The following MYOM2 variants were observed in gnomAD, a reference collection of about 807,000 sequenced individuals.
The protein encoded by MYOM2 is myomesin-2.
In MYOM2, 254 loss-of-function variants were observed where a neutral mutation model predicts 187.6. The observed-to-expected ratio is 1.35, with a 90% CI of 1.22 to 1.50. The LOEUF (loss-of-function observed/expected upper bound fraction) is 1.50. MYOM2 is among the 40% of genes most tolerant of loss of function. MYOM2 has a pLI of 0.00. For missense variants in MYOM2, 2,796 were observed against 1,924.0 expected (o/e 1.45, Z -8.48); for synonymous variants, 981 against 753.8 (o/e 1.30, Z -4.94).
In MYOM2 at chr8:2,057,478, C is replaced by T. The variant is rs1195484066; in HGVS notation, c.394C>T (p.Gln132Ter). The T allele has an allele frequency of 6.2e-7, 1 of 1,613,898 alleles. No homozygotes were observed. Among genetic ancestry groups the T allele is most frequent in the African/African-American group, 1.3e-5 (1 of 74,926 alleles). ...ARDKLDKYAI[Q>*]QMMEDKLAWE... ...CGACAAGCTGGACAAATACGCCATT[C>T]AGCAGATGGTAGGAGGGTCTCAGGG... Residue 132 changes from glutamine (Q) to a stop codon, truncating the protein, a stop_gained, in exon 4 of 37, where the codon CAG becomes TAG. Transcript: ENST00000262113. LOFTEE classifies it high-confidence loss of function.
At chr8:2,071,341 T>A (rs111835912) in intron 8 of MYOM2, among the ~76,000 whole-genome samples, 1,694 of 152,212 alleles carry the variant, frequency 0.011, 34 homozygotes, top group African/African-American at 0.039. Context: ...CTGTAAACCA[T>A]ACAGTTTTTT....
rs201434032 is a variant in MYOM2, at chr8:2,069,375, C to T, written c.742+9C>T. On this transcript the variant is annotated intron_variant, in intron 7 of 36. Coordinates refer to ENST00000262113, the MANE Select transcript of MYOM2 (RefSeq NM_003970.4). The stretch of plus-strand genomic sequence containing the variant: ...GGCGGTGGTGGTGAGAAGTGAGTGC[C>T]GGGTGGGCTTTCACGGGGCACCTCC... The T allele has an allele frequency of 8.6e-5, 138 of 1,613,780 alleles. No homozygotes were observed. The highest frequency in any genetic ancestry group is 3.3e-4 in the South Asian group (30 of 91,082).
intron 31 of MYOM2, among the ~76,000 whole-genome samples, chr8:2,126,034 A>G (rs1797623470): frequency 6.6e-6 from 1 of 152,144 alleles, no homozygotes; most frequent in Non-Finnish European, 1.5e-5. Context: ...TCATGAAATT[A>G]TTTTGTGTTA....
chr8:2,139,669 C>G (rs62480018), intron 32 of MYOM2, among the ~76,000 whole-genome samples: 2,622 of 152,138 alleles, frequency 0.017, 54 homozygotes, highest in East Asian at 0.045. Flanking sequence ...AGCTGGTGCC[C>G]GAGAGAAACA....
intron 34 of MYOM2, 56 bp downstream of exon 34, chr8:2,141,233 G>GT (rs1358057092): frequency 1.1e-5 from 17 of 1,510,734 alleles, no homozygotes; most frequent in Non-Finnish European, 1.4e-5. Context: ...AGTCCCAGTC[G>GT]TTTTGGCTGC....
chr8:2,087,248 A>C (rs7816051), intron 14 of MYOM2, among the ~76,000 whole-genome samples: 1 of 152,084 alleles, frequency 6.6e-6, no homozygotes, highest in Non-Finnish European at 1.5e-5. Context: ...GTATGCAAGT[A>C]ACAGAGAATA....
chr8:2,083,226 A>G (rs1279531030), intron 13 of MYOM2, among the ~76,000 whole-genome samples: 2 of 152,164 alleles, frequency 1.3e-5, no homozygotes, highest in African/African-American at 2.4e-5. Flanking sequence ...ACTTGGCCCA[A>G]TACTCAATTG....
chr8:2,126,906 G>C (rs560274229), intron 31 of MYOM2, among the ~76,000 whole-genome samples: 1 of 149,022 alleles, frequency 6.7e-6, no homozygotes, highest in Non-Finnish European at 1.5e-5. Context: ...ATGGAGGCTG[G>C]GGGAGCACTG....
chr8:2,060,606 G>A (rs1818820202), intron 6 of MYOM2, among the ~76,000 whole-genome samples: 1 of 152,094 alleles, frequency 6.6e-6, no homozygotes, highest in Non-Finnish European at 1.5e-5. Context: ...TCATTGTTAG[G>A]CCTCTGTTCT....
intron 1 of MYOM2, 72 bp downstream of exon 1, chr8:2,045,240 C>T (rs542958201): frequency 1.2e-4 from 18 of 152,380 alleles, no homozygotes; most frequent in African/African-American, 4.3e-4. Flanking sequence ...TCTGCACTCA[C>T]ATTTTCTAAG....
intron 32 of MYOM2, among the ~76,000 whole-genome samples, chr8:2,138,914 C>T (rs1057271667): frequency 2.6e-5 from 4 of 152,120 alleles, no homozygotes; most frequent in Non-Finnish European, 5.9e-5. Context: ...ACTGTGCCTT[C>T]ACAGAACTCC....
rs1272873948 is a variant in MYOM2, at chr8:2,057,688, C to A, written c.468C>A (p.Ile156=). Residue 156 remains isoleucine, a synonymous_variant, in exon 5 of 37, where the codon ATC becomes ATA. Transcript: ENST00000262113. ...AGCGGATAAGCAGGGCTCCTGAGAT[C>A]CTGGTGCGGCTGCGATCCCACACCG... ...FEERISRAPE[I]LVRLRSHTVW... 1.2e-6 allele frequency: 2 copies of A among 1,614,002 alleles called. No individual in the cohort carries two copies. Among genetic ancestry groups the A allele is most frequent in the Non-Finnish European group, 1.7e-6 (2 of 1,180,024 alleles).
intron 4 of MYOM2, 55 bp from the exon 5 acceptor site, chr8:2,057,568 G>C: frequency 1.2e-6 from 2 of 1,613,072 alleles, no homozygotes; most frequent in Non-Finnish European, 1.7e-6. Flanking sequence ...GAGGGGCCGA[G>C]GGTGGAGCTT....
At chr8:2,134,688 T>A (rs1563080711) in intron 32 of MYOM2, among the ~76,000 whole-genome samples, 1 of 152,204 alleles carries the variant, frequency 6.6e-6, no homozygotes. Flanking sequence ...GGATGCTGAC[T>A]TTGTTCTGTG....
rs2280895 is a variant in MYOM2, at chr8:2,109,299, C to G, written c.3044-96C>G. On this transcript the variant is annotated intron_variant, in intron 24 of 36. Coordinates refer to ENST00000262113, the MANE Select transcript of MYOM2 (RefSeq NM_003970.4). ...TCCAGGGTTTCACATTCTCAAAAAT[C>G]TAATAACTAGGATTGATATTTCCCT... The G allele has an allele frequency of 1.5e-5, 20 of 1,353,016 alleles. No individual in the cohort carries two copies. In the South Asian group the frequency reaches 1.5e-4, roughly 10 times the overall value. The allele number at this position is 1,353,016 out of a possible 1,614,324, so 83.8% of individuals were successfully genotyped here.
At chr8:2,095,725 A>G (rs1796459050) in intron 17 of MYOM2, among the ~76,000 whole-genome samples, 1 of 152,198 alleles carries the variant, frequency 6.6e-6, no homozygotes, top group African/African-American at 2.4e-5. Flanking sequence ...TGTTAGGAGA[A>G]GGCGGTCCGT....
chr8:2,070,900 A>G (rs937566659), intron 8 of MYOM2, among the ~76,000 whole-genome samples: 1 of 152,230 alleles, frequency 6.6e-6, no homozygotes, highest in African/African-American at 2.4e-5. Context: ...GGAAGCAGCC[A>G]GTGCTGCTCC....
rs371754938 is a variant in MYOM2 at position 2,140,902 on chromosome 8, T to A, written c.3964+16T>A. ...TCCGGACAAGGTAAGAGAATTCTTC[T>A]TTAGCATTTAATAATTTCCTATTTA... On this transcript the variant is annotated intron_variant, in intron 33 of 36. Transcript: ENST00000262113. 8.2e-6 allele frequency: 13 copies of A among 1,587,966 alleles called. No individual in the cohort carries two copies. Among genetic ancestry groups the A allele is most frequent in the Non-Finnish European group, 1.0e-5 (12 of 1,164,514 alleles).
At chr8:2,085,473 C>A (rs376406650) in intron 14 of MYOM2, 83 bp downstream of exon 14, 2 of 1,478,522 alleles carry the variant, frequency 1.4e-6, no homozygotes, top group South Asian at 2.6e-5. Context: ...CCACCGCTGT[C>A]GTGATCTCCG....
Sources: gnomAD v4.1 joint callset for allele counts (sites outside exome capture counted in the v4.1 genomes callset) on GRCh38, gnomAD v4.1.1 for gene constraint, MANE v1.5 for transcripts, NCBI Gene and HGNC (gene_info 2026-07-23, HGNC 2026-07-21) for gene names.